The following HOOK1 variants were observed in gnomAD, a reference collection of about 807,000 sequenced individuals.
HOOK1 encodes protein Hook homolog 1.
A neutral mutation model predicts 112.8 loss-of-function variants in HOOK1; 60 were observed. The observed-to-expected ratio is 0.53, with a 90% CI of 0.43 to 0.66. The LOEUF (loss-of-function observed/expected upper bound fraction) is 0.66. Ranked by LOEUF, HOOK1 falls within the 30% of genes least tolerant of loss-of-function variation. HOOK1 has a pLI of 0.00. For missense variants in HOOK1, 770 were observed against 856.0 expected (o/e 0.90, Z 1.25); for synonymous variants, 294 against 283.8 (o/e 1.04, Z -0.36).
rs138215645 is a variant in HOOK1, at chr1:59,853,633, T to C, written c.1242+4450T>C. Among the ~76,000 whole-genome samples the C allele has an allele frequency of 4.8e-3, 732 of 152,200 alleles. 7 individuals carry two copies. The highest frequency in any genetic ancestry group is 0.036 in the South Asian group (174 of 4,830). On this transcript the variant is annotated intron_variant, in intron 12 of 21. Coordinates refer to ENST00000371208, the MANE Select transcript of HOOK1 (RefSeq NM_015888.6). ...AGCATTTAGGTCTACCATTTTATTT[T>C]GTTTTCTGTATGTCTTTTTTTCTCC... is the stretch of plus-strand genomic sequence containing the variant.
intron 15 of HOOK1, 45 bp downstream of exon 15, chr1:59,860,373 C>A (rs200495865): frequency 2.1e-6 from 3 of 1,423,272 alleles, no homozygotes; most frequent in Admixed American, 2.5e-5. Flanking sequence ...ATTTTATTAC[C>A]GAGCCATAAA....
chr1:59,828,749 A>T (rs1465719639), intron 2 of HOOK1, 31 bp from the exon 3 acceptor site: 16 of 1,598,362 alleles, frequency 1.0e-5, no homozygotes, highest in Non-Finnish European at 1.3e-5. Flanking sequence ...AAACATTTTC[A>T]TCTTTAGTAT....
At chr1:59,836,532 A>T (rs1038747820) in intron 6 of HOOK1, among the ~76,000 whole-genome samples, 4 of 152,218 alleles carry the variant, frequency 2.6e-5, no homozygotes, top group African/African-American at 9.6e-5. Context: ...GTATTAACTT[A>T]TAATGTATAT....
In HOOK1 at chr1:59,821,927, C is replaced by A. The variant is rs1179061823; in HGVS notation, c.133C>A (p.Gln45Lys). 6.2e-7 allele frequency: 1 copy of A among 1,611,930 alleles called. No individual in the cohort carries two copies. The highest frequency in any genetic ancestry group is 1.7e-5 in the Admixed American group (1 of 59,822). Residue 45 changes from glutamine (Q) to lysine (K), a missense_variant, in exon 2 of 22, where the codon CAA becomes AAA. By Grantham distance (53) the Gln-to-Lys change is moderately conservative. Coordinates refer to ENST00000371208, the MANE Select transcript of HOOK1 (RefSeq NM_015888.6). ...GCTGACTAGTGGAGTTGCCATGGCA[C>A]AAGTTCTTCATCAAATGTGAGTAGT... is the stretch of plus-strand genomic sequence containing the variant. Reference protein sequence around the residue: ...KQLTSGVAMAQVLHQIDAAWF... With the variant: ...KQLTSGVAMAKVLHQIDAAWF...
rs1240891129 is a variant in HOOK1, at chr1:59,847,027, C to A, written c.789-18C>A. On this transcript the variant is annotated intron_variant, in intron 9 of 21. Coordinates refer to ENST00000371208, the MANE Select transcript of HOOK1 (RefSeq NM_015888.6). ...AAATCATGGAAGTTATAAATACTTACTTTTTTATTTGTTCAAGGCTTGAAG... is the reference window on the plus strand; with the variant it reads ...AAATCATGGAAGTTATAAATACTTAATTTTTTATTTGTTCAAGGCTTGAAG... 3 of 1,559,912 alleles carry A rather than the reference C, an allele frequency of 1.9e-6. No individual in the cohort carries two copies. Among genetic ancestry groups the A allele is most frequent in the African/African-American group, 2.8e-5 (2 of 71,796 alleles).
At chr1:59,819,715 G>C (rs10489421) in intron 1 of HOOK1, among the ~76,000 whole-genome samples, 31,214 of 151,922 alleles carry the variant, frequency 0.21, 3,496 homozygotes, top group Non-Finnish European at 0.25. Flanking sequence ...CATGAATTGT[G>C]TCAATTTTGT....
intron 12 of HOOK1, among the ~76,000 whole-genome samples, chr1:59,851,999 G>A (rs2098407407): frequency 6.6e-6 from 1 of 151,506 alleles, no homozygotes; most frequent in Admixed American, 6.6e-5. Flanking sequence ...AACCGATCTT[G>A]CATTATTGAG....
intron 20 of HOOK1, among the ~76,000 whole-genome samples, chr1:59,869,420 C>T (rs1644018930): frequency 6.6e-6 from 1 of 152,018 alleles, no homozygotes; most frequent in South Asian, 2.1e-4. Flanking sequence ...TGGAACTCCT[C>T]ACCTCAAGTG....
At chr1:59,860,683 C>A (rs2098413101) in intron 15 of HOOK1, among the ~76,000 whole-genome samples, 1 of 151,982 alleles carries the variant, frequency 6.6e-6, no homozygotes, top group Non-Finnish European at 1.5e-5. Flanking sequence ...CTTCCCAGTT[C>A]AAGTGATTCT....
intron 5 of HOOK1, among the ~76,000 whole-genome samples, chr1:59,834,989 A>T (rs1165160801): frequency 1.3e-5 from 2 of 152,096 alleles, no homozygotes; most frequent in Admixed American, 6.6e-5. Context: ...TAATATTTTC[A>T]TAATTTACTT....
intron 12 of HOOK1, among the ~76,000 whole-genome samples, chr1:59,851,927 A>T (rs1047097138): frequency 6.6e-6 from 1 of 151,692 alleles, no homozygotes; most frequent in Non-Finnish European, 1.5e-5. Flanking sequence ...CAGTGAGATG[A>T]TATATAGTAT....
intron 6 of HOOK1, 122 bp downstream of exon 6, chr1:59,835,534 C>T (rs1053204138): frequency 1.6e-6 from 1 of 608,168 alleles, no homozygotes; most frequent in East Asian, 2.9e-5. Flanking sequence ...TTCCCCTTAG[C>T]TAGTGGGTCT....
chr1:59,858,305 C>T (rs1171192165), intron 12 of HOOK1, 123 bp from the exon 13 acceptor site: 1 of 691,358 alleles, frequency 1.4e-6, no homozygotes, highest in African/African-American at 1.8e-5. Context: ...CTTCTTAAAA[C>T]TAAAACATTG....
chr1:59,849,918 G>A lies in HOOK1; in HGVS notation c.1242+735G>A, dbSNP rs146323306. ...TTTTGGCTGTTATGAATAATGCTAT[G>A]AATGTTTATGTACAAATTTTTATTT... is the stretch of plus-strand genomic sequence containing the variant. On this transcript the variant is annotated intron_variant, in intron 12 of 21. Coordinates refer to ENST00000371208, the MANE Select transcript of HOOK1 (RefSeq NM_015888.6). Among the ~76,000 whole-genome samples, 190 of 151,670 alleles carry A rather than the reference G, an allele frequency of 1.3e-3. No individual in the cohort carries two copies. In the Middle Eastern group the frequency reaches 0.014, roughly 11 times the overall value.
Position 59,836,879 on chromosome 1 carries a change from A to G in HOOK1, c.481A>G (p.Ser161Gly). ...VVMTAIQELM[S>G]KEILSSPPND... Reference sequence around the variant, plus strand: ...TATTATTTTAATTTCCTAGTTGATGAGTAAAGAAATATTGAGCTCTCCTCC... The same window carrying G: ...TATTATTTTAATTTCCTAGTTGATGGGTAAAGAAATATTGAGCTCTCCTCC... The change falls in exon 7 of 22, where the codon AGT becomes GGT. Residue 161 changes from serine (S) to glycine (G), a missense_variant. By Grantham distance (56) the Ser-to-Gly change is moderately conservative. Around this residue, in one of 3 missense-constraint regions of HOOK1, gnomAD observed 655 missense variants for 725.9 expected, o/e 0.90. Coordinates refer to ENST00000371208, the MANE Select transcript of HOOK1 (RefSeq NM_015888.6). 6.4e-7 allele frequency: 1 copy of G among 1,559,270 alleles called. No homozygotes were observed. Among genetic ancestry groups the G allele is most frequent in the Non-Finnish European group, 8.8e-7 (1 of 1,135,632 alleles).
At chr1:59,859,285 A>T (rs1051551400) in intron 14 of HOOK1, among the ~76,000 whole-genome samples, 48 of 152,082 alleles carry the variant, frequency 3.2e-4, no homozygotes, top group African/African-American at 1.1e-3. Context: ...ATATGACATG[A>T]CCCCCATGTG....
chr1:59,822,486 T>C (rs2098386365), intron 2 of HOOK1, among the ~76,000 whole-genome samples: 2 of 152,222 alleles, frequency 1.3e-5, no homozygotes. Context: ...GAAACTTTAA[T>C]AAAGTGGTTG....
intron 1 of HOOK1, 73 bp downstream of exon 1, chr1:59,815,253 C>T: frequency 7.0e-7 from 1 of 1,423,842 alleles, no homozygotes; most frequent in Non-Finnish European, 9.5e-7. Flanking sequence ...CCGGTTCTCC[C>T]AGGTGAGCTG....
chr1:59,849,042 G>T, intron 11 of HOOK1, 31 bp from the exon 12 acceptor site: 1 of 1,385,618 alleles, frequency 7.2e-7, no homozygotes. Flanking sequence ...ATACTTTTAA[G>T]GACCTTTTTT....
Sources: allele counts gnomAD v4.1 joint callset (sites outside exome capture counted in the v4.1 genomes callset), GRCh38; gene constraint gnomAD v4.1.1; regional missense constraint gnomAD v4.1.1; transcripts MANE v1.5; gene names NCBI Gene and HGNC (gene_info 2026-07-23, HGNC 2026-07-21).